The following TTC3 variants were observed in gnomAD, a reference collection of about 807,000 sequenced individuals.
TTC3 encodes tetratricopeptide repeat domain 3.
Under a neutral mutation model 249.6 loss-of-function variants are expected in TTC3, and 180 were observed. The observed-to-expected ratio is 0.72, with a 90% CI of 0.64 to 0.82. The LOEUF is 0.82. Among genes scored for constraint, TTC3 ranks in the 40% least tolerant of loss-of-function variants. The pLI is 0.00. For synonymous variants in TTC3, 717 were observed against 805.0 expected (o/e 0.89, Z 1.85); for missense variants, 2,061 against 2,398.4 (o/e 0.86, Z 2.94).
At chr21:37,116,656 T>A (rs13048110) in intron 11 of TTC3, among the ~76,000 whole-genome samples, 3 of 151,838 alleles carry the variant, frequency 2.0e-5, no homozygotes, top group Non-Finnish European at 2.9e-5. Flanking sequence ...AAAAAAATTT[T>A]AAAAAATTAC....
At chr21:37,105,339 CAGA>C (rs1190787344) in intron 10 of TTC3, among the ~76,000 whole-genome samples, 5 of 152,042 alleles carry the variant, frequency 3.3e-5, no homozygotes, top group African/African-American at 1.2e-4. Flanking sequence ...TCAAGAGTTC[CAGA>C]AGAAGGTGGC....
At chr21:37,101,293 T>C (rs2074472268) in intron 10 of TTC3, 1 of 152,152 alleles carries the variant, frequency 6.6e-6, no homozygotes, top group African/African-American at 2.4e-5. Flanking sequence ...CCCCCCTAAA[T>C]TTCTGGAAGA....
Position 37,088,360 on chromosome 21 carries a change from T to C in TTC3, c.338+14T>C. ...TGTGGACGCCAAGTAAGTTACTATATGTTGCTCATTTTGTGTGGACAGTGA... is the reference window on the plus strand; with the variant it reads ...TGTGGACGCCAAGTAAGTTACTATACGTTGCTCATTTTGTGTGGACAGTGA... On this transcript the variant is annotated intron_variant, in intron 4 of 45. Coordinates refer to ENST00000355666, the Ensembl canonical transcript of TTC3. 2 of 1,600,824 alleles carry C rather than the reference T, an allele frequency of 1.2e-6. No homozygotes were observed. Among genetic ancestry groups the C allele is most frequent in the Admixed American group, 1.7e-5 (1 of 57,996 alleles).
intron 20 of TTC3, among the ~76,000 whole-genome samples, chr21:37,141,312 A>C (rs940509814): frequency 1.3e-5 from 2 of 152,218 alleles, no homozygotes; most frequent in African/African-American, 4.8e-5. Flanking sequence ...TTAGATTATA[A>C]AGAAATAATT....
chr21:37,079,538 T>G (rs1179629658), intron 1 of TTC3, among the ~76,000 whole-genome samples: 6 of 143,198 alleles, frequency 4.2e-5, no homozygotes, highest in African/African-American at 5.3e-5. Context: ...TTTTTTTTTT[T>G]TTTTTTTTTT....
At chr21:37,135,558 C>A in intron 18 of TTC3, 44 bp downstream of exon 18, 2 of 1,590,606 alleles carry the variant, frequency 1.3e-6, no homozygotes, top group South Asian at 2.2e-5. Flanking sequence ...GCTAATGCAC[C>A]TCAGATGAAT....
exon 33 of TTC3, chr21:37,166,612 A>G: frequency 6.2e-7 from 1 of 1,609,166 alleles, no homozygotes; most frequent in East Asian, 2.2e-5. Flanking sequence ...TGGTTGCCAT[A>G]CAGGTAAGAG....
intron 44 of TTC3, among the ~76,000 whole-genome samples, chr21:37,199,658 C>T (rs1360132910): frequency 6.6e-6 from 1 of 152,180 alleles, no homozygotes; most frequent in African/African-American, 2.4e-5. Context: ...ATTAAATCTC[C>T]CTTACCCTGA....
intron 15 of TTC3, among the ~76,000 whole-genome samples, chr21:37,128,759 T>C (rs956003524): frequency 5.3e-5 from 8 of 152,202 alleles, no homozygotes; most frequent in African/African-American, 1.9e-4. Context: ...TATCTCTCTG[T>C]ATCTATGGTA....
intron 20 of TTC3, among the ~76,000 whole-genome samples, chr21:37,143,100 A>T (rs2078646084): frequency 6.6e-6 from 1 of 152,242 alleles, no homozygotes; most frequent in Non-Finnish European, 1.5e-5. Flanking sequence ...TTAATTCAAG[A>T]TGGATTAAAG....
intron 1 of TTC3, chr21:37,082,237 ATATGCTGATTTTTGTGACTCTATAGC>A (rs2071794177): frequency 6.6e-6 from 1 of 152,116 alleles, no homozygotes; most frequent in East Asian, 1.9e-4. Context: ...TTCTCATGTT[ATATGCTGATTTTTGTGACTCTATAGC>A]TATTCTGTAG....
chr21:37,150,835 A>C, exon 25 of TTC3: 1 of 1,611,622 alleles, frequency 6.2e-7, no homozygotes, highest in East Asian at 2.2e-5. Flanking sequence ...ACACAAGGTC[A>C]TAAAAGAAAA....
At chr21:37,085,696 T>C (rs1352630594) in intron 1 of TTC3, 1 of 152,222 alleles carries the variant, frequency 6.6e-6, no homozygotes, top group Non-Finnish European at 1.5e-5. Flanking sequence ...TCATGTTAGT[T>C]GAGGAGGTTG....
At chr21:37,171,710 G>A (rs936064732) in intron 34 of TTC3, among the ~76,000 whole-genome samples, 5 of 152,078 alleles carry the variant, frequency 3.3e-5, no homozygotes, top group East Asian at 1.9e-4. Flanking sequence ...CTAAACTTTC[G>A]GTCTGAGCAG....
intron 1 of TTC3, among the ~76,000 whole-genome samples, chr21:37,080,605 G>A (rs1257300451): frequency 6.6e-6 from 1 of 152,104 alleles, no homozygotes; most frequent in African/African-American, 2.4e-5. Context: ...ATTTCCTGTA[G>A]TTCTAACAAT....
intron 1 of TTC3, chr21:37,082,562 C>T: frequency 2.0e-6 from 2 of 985,342 alleles, no homozygotes; most frequent in Non-Finnish European, 2.4e-6. Flanking sequence ...GGCTCAGTGT[C>T]CTGATCCTAT....
exon 34 of TTC3, chr21:37,167,563 G>T: frequency 6.2e-7 from 1 of 1,608,454 alleles, no homozygotes; most frequent in South Asian, 1.1e-5. Context: ...AGGTATCTTG[G>T]AACATAATAC....
chr21:37,170,834 A>G (rs1318308767), intron 34 of TTC3, among the ~76,000 whole-genome samples: 1 of 152,198 alleles, frequency 6.6e-6, no homozygotes, highest in African/African-American at 2.4e-5. Flanking sequence ...AAAATCATCT[A>G]CCTTCCCATC....
intron 8 of TTC3, 110 bp from the exon 9 acceptor site, chr21:37,095,240 T>G: frequency 1.5e-6 from 1 of 686,816 alleles, no homozygotes; most frequent in Non-Finnish European, 2.5e-6. Context: ...TAATCCCCTA[T>G]GTTATTTCTG....
Sources: allele counts gnomAD v4.1 joint callset (sites outside exome capture counted in the v4.1 genomes callset), GRCh38; gene constraint gnomAD v4.1.1; transcripts MANE v1.5; gene names NCBI Gene and HGNC (gene_info 2026-07-23, HGNC 2026-07-21).